Variants in ZFHX3 observed in about 807,000 individuals in gnomAD.
ZFHX3 encodes the protein zinc finger homeobox protein 3.
In ZFHX3, 42 loss-of-function variants were observed where a neutral mutation model predicts 279.1. The ratio of observed to expected loss-of-function variants is 0.15; its 90% CI spans 0.12 to 0.19. The LOEUF (loss-of-function observed/expected upper bound fraction) is 0.19. ZFHX3 is among the 10% of genes least tolerant of loss of function. The probability of loss-of-function intolerance (pLI) is 1.00; values close to 1 mark genes in which losing one functional copy is unlikely to be tolerated. For synonymous variants in ZFHX3, 2,293 were observed against 1,957.8 expected, an observed-to-expected ratio of 1.17 and a Z score of -4.52; for missense variants, 4,981 against 4,754.0, an observed-to-expected ratio of 1.05 and a Z score of -1.40.
chr16:73,106,059 C>T (rs780345791), intron 7 of ZFHX3, among the ~76,000 whole-genome samples: 3 of 151,790 alleles, frequency 2.0e-5, no homozygotes, highest in Non-Finnish European at 2.9e-5. Flanking sequence ...TTCTCGGAAG[C>T]CCTCCTAGAC....
intron 1 of ZFHX3, among the ~76,000 whole-genome samples, chr16:73,845,009 A>G (rs1460045403): frequency 6.6e-6 from 1 of 152,106 alleles, no homozygotes; most frequent in Non-Finnish European, 1.5e-5. Flanking sequence ...ACCCAAAATG[A>G]GGGCTAAAGA....
chr16:72,995,837 A>C, intron 1 of ZFHX3, among the ~76,000 whole-genome samples: 1 of 152,332 alleles, frequency 6.6e-6, no homozygotes, highest in Admixed American at 6.5e-5. Context: ...AAATGAGCAC[A>C]TATGAGAACA....
intron 4 of ZFHX3, among the ~76,000 whole-genome samples, chr16:73,310,659 A>G (rs74030052): frequency 0.018 from 2,676 of 152,350 alleles, 71 homozygotes; most frequent in African/African-American, 0.054. Flanking sequence ...CAAAATGTCA[A>G]TAGTACTGAG....
chr16:72,959,151 T>A lies in ZFHX3; in HGVS notation c.995A>T (p.Asp332Val). 6.2e-7 allele frequency: 1 copy of A among 1,614,250 alleles called. No homozygotes were observed. Among genetic ancestry groups the A allele is most frequent in the Non-Finnish European group, 8.5e-7 (1 of 1,180,054 alleles). The part of the protein sequence containing the change: ...ISAIIQGIGK[D>V]KEPLVSFLEP... ...CAGAAAACTTACAAGGGGTTCCTTGTCTTTGCCGATCCCTTGGATGATAGC... is the reference window on the plus strand; with the variant it reads ...CAGAAAACTTACAAGGGGTTCCTTGACTTTGCCGATCCCTTGGATGATAGC... The change falls in exon 2 of 10, where the codon GAC becomes GTC. Residue 332 changes from aspartate to valine, a missense_variant. Coordinates refer to ENST00000268489, the MANE Select transcript of ZFHX3 (RefSeq NM_006885.4).
At chr16:73,314,010 G>A (rs945135442) in intron 4 of ZFHX3, among the ~76,000 whole-genome samples, 1 of 152,066 alleles carries the variant, frequency 6.6e-6, no homozygotes, top group Non-Finnish European at 1.5e-5. Context: ...GAGGTGGGAG[G>A]ATGGCTTGAG....
intron 1 of ZFHX3, among the ~76,000 whole-genome samples, chr16:73,777,330 C>T (rs531909765): frequency 6.6e-6 from 1 of 151,738 alleles, no homozygotes; most frequent in East Asian, 1.9e-4. Context: ...GGTGAAACCC[C>T]GTCTCTACTA....
At chr16:73,468,468 G>T (rs1037323555) in intron 2 of ZFHX3, among the ~76,000 whole-genome samples, 1 of 152,186 alleles carries the variant, frequency 6.6e-6, no homozygotes, top group Non-Finnish European at 1.5e-5. Context: ...AGGCGTGGTG[G>T]CTCACACCTG....
chr16:72,918,106 T>C (rs192808239), intron 3 of ZFHX3, among the ~76,000 whole-genome samples: 30 of 152,284 alleles, frequency 2.0e-4, no homozygotes, highest in Admixed American at 9.1e-4. Flanking sequence ...TTGGTGTCTA[T>C]ATCAAGGAAA....
chr16:72,953,708 G>A (rs58489867), intron 2 of ZFHX3, among the ~76,000 whole-genome samples: 43,763 of 152,036 alleles, frequency 0.29, 7,701 homozygotes, highest in Non-Finnish European at 0.38. Flanking sequence ...AGCCTCCCAA[G>A]TAGCTGGGAC....
intron 3 of ZFHX3, among the ~76,000 whole-genome samples, chr16:73,367,063 T>G (rs1387062577): frequency 3.3e-5 from 5 of 152,080 alleles, no homozygotes; most frequent in Non-Finnish European, 2.9e-5. Flanking sequence ...TCTCCCACAG[T>G]GAGTAATTTC....
intron 5 of ZFHX3, among the ~76,000 whole-genome samples, chr16:73,248,610 G>A (rs1432711526): frequency 5.9e-5 from 9 of 151,454 alleles, no homozygotes; most frequent in Non-Finnish European, 1.0e-4. Context: ...CTGTGTATGT[G>A]TCTGTGTGTC....
At chr16:73,510,218 T>A (rs767663542) in intron 2 of ZFHX3, among the ~76,000 whole-genome samples, 4 of 152,196 alleles carry the variant, frequency 2.6e-5, no homozygotes, top group African/African-American at 9.6e-5. Context: ...ATTCTGCCCA[T>A]AGCATTATCA....
At chr16:73,717,386 T>A (rs896190093) in intron 1 of ZFHX3, among the ~76,000 whole-genome samples, 6 of 152,052 alleles carry the variant, frequency 3.9e-5, no homozygotes, top group African/African-American at 1.5e-4. Context: ...TGCCAGAAGT[T>A]TCCTGATACT....
chr16:73,003,989 A>G (rs1392764974), intron 1 of ZFHX3, among the ~76,000 whole-genome samples: 1 of 151,790 alleles, frequency 6.6e-6, no homozygotes, highest in African/African-American at 2.4e-5. Flanking sequence ...AAACAAAACA[A>G]AAAAAGCTCA....
chr16:73,402,644 T>A (rs753839410), intron 3 of ZFHX3, among the ~76,000 whole-genome samples: 5 of 152,216 alleles, frequency 3.3e-5, no homozygotes, highest in Non-Finnish European at 7.3e-5. Context: ...GTGGCTCATT[T>A]TCCAGCTATG....
intron 5 of ZFHX3, among the ~76,000 whole-genome samples, chr16:73,186,377 C>A (rs1422719705): frequency 6.6e-6 from 1 of 151,946 alleles, no homozygotes; most frequent in Non-Finnish European, 1.5e-5. Context: ...TGAATAGAAC[C>A]CCCCTCACCT....
At chr16:73,562,144 C>A (rs1160861527) in intron 2 of ZFHX3, among the ~76,000 whole-genome samples, 1 of 152,142 alleles carries the variant, frequency 6.6e-6, no homozygotes, top group Admixed American at 6.5e-5. Flanking sequence ...GGGATTTGGG[C>A]AATGCATTTT....
intron 5 of ZFHX3, among the ~76,000 whole-genome samples, chr16:73,167,121 G>A (rs1229154846): frequency 6.6e-6 from 1 of 152,194 alleles, no homozygotes; most frequent in East Asian, 1.9e-4. Context: ...GATGGTTAAT[G>A]TTTTGTTCTT....
At chr16:73,238,911 A>T (rs1567426844) in intron 5 of ZFHX3, among the ~76,000 whole-genome samples, 1 of 152,128 alleles carries the variant, frequency 6.6e-6, no homozygotes, top group Non-Finnish European at 1.5e-5. Flanking sequence ...TCCAGCAAGA[A>T]GCATTTCTCC....
Sources: allele counts gnomAD v4.1 joint callset (sites outside exome capture counted in the v4.1 genomes callset), GRCh38; gene constraint gnomAD v4.1.1; transcripts MANE v1.5; gene names NCBI Gene and HGNC (gene_info 2026-07-23, HGNC 2026-07-21).